The following CCNH variants were observed in gnomAD, a reference collection of about 807,000 sequenced individuals.
CCNH encodes cyclin-H.
Under a neutral mutation model 41.9 loss-of-function variants are expected in CCNH, and 31 were observed. The observed-to-expected ratio is 0.74, with a 90% confidence interval of 0.56 to 1.00. The LOEUF (loss-of-function observed/expected upper bound fraction) is 1.00, where lower values mean the gene tolerates loss of function less well. Ranked by LOEUF, CCNH falls within the 50% of genes least tolerant of loss-of-function variation. The pLI, the probability that CCNH is intolerant of heterozygous loss-of-function variation, is 0.00. For synonymous variants in CCNH, 138 were observed against 136.1 expected (o/e 1.01, Z -0.10); for missense variants, 362 against 388.4 (o/e 0.93, Z 0.57).
chr5:87,402,449 C>G (rs1400707193), intron 5 of CCNH, among the ~76,000 whole-genome samples: 1 of 152,136 alleles, frequency 6.6e-6, no homozygotes, highest in Non-Finnish European at 1.5e-5. Flanking sequence ...TGAAGTTTTA[C>G]ATACCTGAAC....
intron 9 of CCNH, among the ~76,000 whole-genome samples, chr5:87,324,733 T>C (rs1454146140): frequency 6.6e-6 from 1 of 152,146 alleles, no homozygotes; most frequent in African/African-American, 2.4e-5. Flanking sequence ...AAACACGCCC[T>C]CTTCTCCCCT....
chr5:87,412,205 C>T (rs1281758025), intron 1 of CCNH: 2 of 159,602 alleles, frequency 1.3e-5, no homozygotes, highest in Non-Finnish European at 2.7e-5. Flanking sequence ...TTCCTACCCT[C>T]CCCAGCCATT....
At chr5:87,329,897 C>T (rs1757489600) in intron 9 of CCNH, among the ~76,000 whole-genome samples, 1 of 152,076 alleles carries the variant, frequency 6.6e-6, no homozygotes, top group Non-Finnish European at 1.5e-5. Flanking sequence ...GGTTCATTTA[C>T]GATCTCTGGT....
downstream of CCNH, among the ~76,000 whole-genome samples, chr5:87,388,187 G>A (rs1005623997): frequency 6.6e-6 from 1 of 152,134 alleles, no homozygotes; most frequent in Non-Finnish European, 1.5e-5. Context: ...TTCTCTGAAG[G>A]CAAATATGGA....
In CCNH at chr5:87,394,336, GTTT is replaced by G; in HGVS notation, c.*107_*109del. The G allele has an allele frequency of 7.0e-7, 1 of 1,435,208 alleles. No individual in the cohort carries two copies. Among genetic ancestry groups the G allele is most frequent in the Non-Finnish European group, 9.2e-7 (1 of 1,086,452 alleles). 88.9% of individuals were successfully genotyped at this position (1,435,208 alleles called of 1,614,324 possible). On this transcript the variant is annotated 3_prime_UTR_variant, in exon 9 of 9. Coordinates refer to ENST00000256897, the MANE Select transcript of CCNH (RefSeq NM_001239.4). ...GAAAGGGAAAGAAAACAATAGAAAA[GTTT>G]TAATATATTTTATGTTTTCACATTA...
intron 7 of CCNH, among the ~76,000 whole-genome samples, chr5:87,399,062 T>C (rs921470994): frequency 2.6e-5 from 4 of 151,194 alleles, no homozygotes; most frequent in Non-Finnish European, 5.9e-5. Context: ...AGACCAGATA[T>C]CACAACTTCA....
At chr5:87,373,675 G>A (rs959134597), downstream of CCNH, among the ~76,000 whole-genome samples, 1 of 152,052 alleles carries the variant, frequency 6.6e-6, no homozygotes, top group African/African-American at 2.4e-5. Context: ...GTTTCTTTAG[G>A]TTTGTATCCT....
intron 9 of CCNH, chr5:87,333,352 A>G (rs770283257): frequency 1.9e-5 from 31 of 1,612,314 alleles, no homozygotes; most frequent in Non-Finnish European, 2.5e-5. Context: ...TTTATAATCT[A>G]TTCTCATGTA....
intron 9 of CCNH, among the ~76,000 whole-genome samples, chr5:87,327,795 T>G (rs1317899956): frequency 6.6e-6 from 1 of 151,994 alleles, no homozygotes; most frequent in Non-Finnish European, 1.5e-5. Flanking sequence ...TGAAACCCCG[T>G]CTCTACTAAA....
At chr5:87,410,433 A>C (rs1305627878) in intron 2 of CCNH, among the ~76,000 whole-genome samples, 3 of 152,028 alleles carry the variant, frequency 2.0e-5, no homozygotes, top group Non-Finnish European at 2.9e-5. Context: ...CTATGGACTT[A>C]ATATTTTCAA....
intron 7 of CCNH, among the ~76,000 whole-genome samples, chr5:87,397,158 ATTTT>A (rs949846247): frequency 1.3e-5 from 2 of 148,650 alleles, no homozygotes; most frequent in South Asian, 2.1e-4. Flanking sequence ...GTGTTTCATA[ATTTT>A]TTTTTTGTTT....
rs540858694 is a variant in CCNH at position 87,335,428 on chromosome 5, T to G, written c.*91-16531A>C. Among the ~76,000 whole-genome samples the G allele has an allele frequency of 2.3e-3, 322 of 142,884 alleles. 3 individuals are homozygous for G. Among genetic ancestry groups the G allele is most frequent in the African/African-American group, 2.7e-3 (102 of 38,130 alleles). 93.7% of individuals were successfully genotyped at this position (142,884 alleles called of 152,430 possible). A position where few individuals can be genotyped will look rare whatever the true frequency, so the allele number is the denominator to read the frequency against. On this transcript the variant is annotated intron_variant and NMD_transcript_variant, in intron 9 of 9. Coordinates refer to the CCNH transcript ENST00000645953. ...GATAATAAAGAATGAGGTTTTTTTT[T>G]TTTTTTTTTTTTTTTTGTGACAGTT...
At position 87,404,844 on chromosome 5, in the gene CCNH, C is replaced by T. The variant is rs1763668707; in HGVS notation, c.689G>A (p.Ser230Asn). ...SASRAGITMESYLSESLMLKE... is the reference protein window; with the variant it reads ...SASRAGITMENYLSESLMLKE... Reference sequence around the variant, plus strand: ...CCTAAGTTAAAAAACTAATTAATACCTTTCCATAGTAATTCCAGCCCTGGA... The same window carrying T: ...CCTAAGTTAAAAAACTAATTAATACTTTTCCATAGTAATTCCAGCCCTGGA... The change falls in exon 5 of 9, where the codon AGT becomes AAT. Residue 230 changes from serine to asparagine, a missense_variant and splice_region_variant. By Grantham distance (46) the Ser-to-Asn change is conservative. Transcript: ENST00000256897. 1 of 1,599,308 alleles carries T rather than the reference C, an allele frequency of 6.3e-7. No individual in the cohort carries two copies. The highest frequency in any genetic ancestry group is 1.4e-5 in the African/African-American group (1 of 73,892).
downstream of CCNH, chr5:87,394,137 T>C (rs1036024299): frequency 3.5e-6 from 2 of 565,884 alleles, no homozygotes; most frequent in African/African-American, 4.0e-5. Context: ...AAGTTTTGTT[T>C]TTTGTGGTGC....
intron 9 of CCNH, among the ~76,000 whole-genome samples, chr5:87,344,115 A>C (rs1758673834): frequency 1.3e-5 from 2 of 152,158 alleles, no homozygotes; most frequent in Non-Finnish European, 2.9e-5. Context: ...AATAGGTACA[A>C]AAATACATCT....
chr5:87,402,066 C>G (rs184353766), intron 5 of CCNH, among the ~76,000 whole-genome samples: 286 of 152,206 alleles, frequency 1.9e-3, no homozygotes, highest in African/African-American at 6.4e-3. Flanking sequence ...ATATAGAAGC[C>G]CAATAAGGCT....
chr5:87,353,272 T>G, intron 9 of CCNH: 2 of 1,507,636 alleles, frequency 1.3e-6, no homozygotes, highest in Non-Finnish European at 1.8e-6. Context: ...AATTAGCATT[T>G]TATTTTAAAA....
At chr5:87,409,629 C>CGTGTGTGTGTGTGTGTGT (rs71610500) in intron 2 of CCNH, among the ~76,000 whole-genome samples, 15 of 145,990 alleles carry the variant, frequency 1.0e-4, no homozygotes, top group Non-Finnish European at 1.8e-4. Flanking sequence ...TTTAAAAATA[C>CGTGTGTGTGTGTGTGTGT]GTGTGTGTGT....
downstream of CCNH, chr5:87,392,898 T>C (rs1217035544): frequency 1.3e-5 from 2 of 152,266 alleles, no homozygotes; most frequent in East Asian, 3.9e-4. Flanking sequence ...TGCCAAAGTT[T>C]GGCGATCTGA....
Sources: allele counts gnomAD v4.1 joint callset (sites outside exome capture counted in the v4.1 genomes callset), GRCh38; gene constraint gnomAD v4.1.1; transcripts MANE v1.5; gene names NCBI Gene and HGNC (gene_info 2026-07-23, HGNC 2026-07-21).